The following SORCS3 variants were observed in gnomAD, a reference collection of about 807,000 sequenced individuals.
SORCS3 encodes the protein sortilin related VPS10 domain containing receptor 3.
In SORCS3, 57 loss-of-function variants were observed where a neutral mutation model predicts 146.3. That is an observed-to-expected ratio of 0.39 (90% confidence interval 0.31 to 0.49). The LOEUF (loss-of-function observed/expected upper bound fraction) is 0.49, where lower values mean the gene tolerates loss of function less well. SORCS3 is among the 20% of genes least tolerant of loss of function. The pLI is 0.92. For missense variants in SORCS3, 1,341 were observed against 1,575.5 expected (o/e 0.85, Z 2.52); for synonymous variants, 653 against 618.5 (o/e 1.06, Z -0.83).
chr10:105,034,704 G>C (rs1235292285), intron 4 of SORCS3, among the ~76,000 whole-genome samples: 1 of 152,160 alleles, frequency 6.6e-6, no homozygotes. Context: ...GAAATTGGAG[G>C]CAAAGTCAGA....
At chr10:104,826,847 T>C (rs1187605623) in intron 1 of SORCS3, among the ~76,000 whole-genome samples, 1 of 152,236 alleles carries the variant, frequency 6.6e-6, no homozygotes, top group African/African-American at 2.4e-5. Flanking sequence ...GTCAATCTTC[T>C]CAAGCCCTGC....
At chr10:105,220,102 T>C (rs2056691517) in intron 19 of SORCS3, among the ~76,000 whole-genome samples, 1 of 152,138 alleles carries the variant, frequency 6.6e-6, no homozygotes, top group Non-Finnish European at 1.5e-5. Flanking sequence ...AGGGGCACTA[T>C]TTGACAGTGA....
chr10:105,197,512 G>A (rs1026184581), intron 14 of SORCS3, among the ~76,000 whole-genome samples: 1 of 152,086 alleles, frequency 6.6e-6, no homozygotes, highest in Non-Finnish European at 1.5e-5. Flanking sequence ...TTTTCCTGGT[G>A]ATCTGGTTAA....
intron 6 of SORCS3, among the ~76,000 whole-genome samples, chr10:105,092,556 G>A (rs757538496): frequency 2.0e-5 from 3 of 151,330 alleles, no homozygotes; most frequent in Non-Finnish European, 4.4e-5. Context: ...AATGCATAAT[G>A]CCTTTCCTTT....
chr10:104,843,393 A>T (rs1020481390), intron 2 of SORCS3, among the ~76,000 whole-genome samples: 2 of 152,214 alleles, frequency 1.3e-5, no homozygotes, highest in African/African-American at 4.8e-5. Context: ...CCATAAAATA[A>T]TATTAAAAGG....
intron 2 of SORCS3, among the ~76,000 whole-genome samples, chr10:104,886,559 T>TATCTATCCATCC (rs11271677): frequency 9.0e-4 from 60 of 66,576 alleles, no homozygotes; most frequent in Middle Eastern, 7.8e-3. Context: ...CTCTATCATC[T>TATCTATCCATCC]ATCTATCTAT....
intron 1 of SORCS3, among the ~76,000 whole-genome samples, chr10:104,688,356 G>C (rs535553434): frequency 3.3e-4 from 50 of 152,294 alleles, no homozygotes; most frequent in Middle Eastern, 3.4e-3. Flanking sequence ...CTGCGTGTGT[G>C]GGGGGGCAGT....
In SORCS3 at chr10:105,263,468, A is replaced by G; in HGVS notation, c.*94A>G. 1 of 1,300,646 alleles carries G rather than the reference A, an allele frequency of 7.7e-7. No homozygotes were observed. The highest frequency in any genetic ancestry group is 1.1e-6 in the Non-Finnish European group (1 of 925,380). The allele number at this position is 1,300,646 out of a possible 1,614,324, so 80.6% of individuals were successfully genotyped here. On this transcript the variant is annotated 3_prime_UTR_variant, in exon 27 of 27. Transcript: ENST00000369701. ...ATGGAAAAATTAAAATGTCTTTTTT[A>G]CCTTTTGTTTACCAAGGGCCCCTTC...
intron 2 of SORCS3, among the ~76,000 whole-genome samples, chr10:104,875,453 G>T (rs910947521): frequency 1.3e-5 from 2 of 152,174 alleles, no homozygotes; most frequent in African/African-American, 2.4e-5. Flanking sequence ...CAATGATAGG[G>T]TCTACTGTGT....
At chr10:105,051,686 G>A (rs78237515) in intron 5 of SORCS3, among the ~76,000 whole-genome samples, 9,475 of 152,032 alleles carry the variant, frequency 0.062, 315 homozygotes, top group Middle Eastern at 0.092. Context: ...GTGCATCTAC[G>A]ATTTTGCAAA....
intron 4 of SORCS3, among the ~76,000 whole-genome samples, chr10:105,008,060 C>T (rs2055108509): frequency 6.6e-6 from 1 of 152,172 alleles, no homozygotes; most frequent in Admixed American, 6.5e-5. Flanking sequence ...ATTCTGATTG[C>T]ATGGCGTGAT....
chr10:105,046,296 C>T (rs192182638), intron 5 of SORCS3, among the ~76,000 whole-genome samples: 149 of 152,188 alleles, frequency 9.8e-4, no homozygotes, highest in African/African-American at 3.4e-3. Context: ...CATAGCTTTG[C>T]TCCTGTGACC....
intron 5 of SORCS3, among the ~76,000 whole-genome samples, chr10:105,063,502 G>A (rs2055501514): frequency 6.6e-6 from 1 of 152,154 alleles, no homozygotes; most frequent in South Asian, 2.1e-4. Flanking sequence ...TTAATAAAAG[G>A]CAAATTGAAT....
At chr10:104,902,635 T>G (rs968789737) in intron 2 of SORCS3, among the ~76,000 whole-genome samples, 1 of 152,206 alleles carries the variant, frequency 6.6e-6, no homozygotes, top group Admixed American at 6.5e-5. Context: ...TGTCTTCATC[T>G]TGTGAAGTCA....
At chr10:104,777,186 G>A (rs984359289) in intron 1 of SORCS3, among the ~76,000 whole-genome samples, 5 of 152,162 alleles carry the variant, frequency 3.3e-5, no homozygotes, top group Non-Finnish European at 7.4e-5. Context: ...TGGAACTTGA[G>A]GTGACTCTGA....
At chr10:105,159,024 T>G (rs2056238512) in intron 11 of SORCS3, 30 bp downstream of exon 11, 2 of 1,480,358 alleles carry the variant, frequency 1.4e-6, no homozygotes, top group African/African-American at 2.8e-5. Flanking sequence ...TGCTTCTTCC[T>G]TACTGAGAGT....
intron 2 of SORCS3, among the ~76,000 whole-genome samples, chr10:104,855,760 G>A (rs533994687): frequency 7.5e-4 from 106 of 140,622 alleles, no homozygotes; most frequent in African/African-American, 3.2e-3. Flanking sequence ...TTTTGAGACA[G>A]GGTCTTACTC....
intron 3 of SORCS3, 41 bp from the exon 4 acceptor site, chr10:104,977,294 T>C: frequency 6.7e-7 from 1 of 1,493,748 alleles, no homozygotes; most frequent in Non-Finnish European, 9.1e-7. Flanking sequence ...TATTATTTCC[T>C]ACTAACTCTG....
At chr10:105,193,521 G>A (rs1460836858) in intron 14 of SORCS3, among the ~76,000 whole-genome samples, 1 of 152,146 alleles carries the variant, frequency 6.6e-6, no homozygotes, top group African/African-American at 2.4e-5. Context: ...TAGCTTTGAT[G>A]TAGACATTGA....
Sources: gnomAD v4.1 joint callset for allele counts (sites outside exome capture counted in the v4.1 genomes callset) on GRCh38, gnomAD v4.1.1 for gene constraint, MANE v1.5 for transcripts, NCBI Gene and HGNC (gene_info 2026-07-23, HGNC 2026-07-21) for gene names.